The following MYO18B variants were observed in gnomAD, a reference collection of about 807,000 sequenced individuals.
MYO18B encodes the protein unconventional myosin-XVIIIb.
A neutral mutation model predicts 273.0 loss-of-function variants in MYO18B; 204 were observed. That is an observed-to-expected ratio of 0.75 (90% CI 0.67 to 0.84). The LOEUF is 0.84. MYO18B is among the 40% of genes least tolerant of loss of function. The pLI is 0.00. For missense variants in MYO18B, 3,212 were observed against 3,287.6 expected (o/e 0.98, Z 0.56); for synonymous variants, 1,330 against 1,305.7 (o/e 1.02, Z -0.40).
intron 11 of MYO18B, among the ~76,000 whole-genome samples, chr22:25,795,154 T>A (rs1202185796): frequency 6.6e-6 from 1 of 152,218 alleles, no homozygotes; most frequent in Non-Finnish European, 1.5e-5. Flanking sequence ...TCTTTGTGGC[T>A]CCATTCTCCT....
At chr22:25,770,459 G>A (rs1229282579) in intron 5 of MYO18B, among the ~76,000 whole-genome samples, 4 of 152,164 alleles carry the variant, frequency 2.6e-5, no homozygotes, top group South Asian at 2.1e-4. Flanking sequence ...TACTTTTGTC[G>A]ATTGGTTGTG....
chr22:26,010,344 C>A (rs561508989), intron 42 of MYO18B, among the ~76,000 whole-genome samples: 3 of 152,118 alleles, frequency 2.0e-5, no homozygotes, highest in Non-Finnish European at 4.4e-5. Flanking sequence ...TTGCCTACAG[C>A]AGGGGTCCCA....
downstream of MYO18B, among the ~76,000 whole-genome samples, chr22:26,031,618 G>T (rs917477097): frequency 6.6e-6 from 1 of 152,104 alleles, no homozygotes; most frequent in Non-Finnish European, 1.5e-5. Flanking sequence ...AACATTTTTT[G>T]AGTGGGGCTG....
At chr22:25,760,269 G>A (rs1418402286) in intron 1 of MYO18B, among the ~76,000 whole-genome samples, 1 of 151,946 alleles carries the variant, frequency 6.6e-6, no homozygotes, top group Admixed American at 6.6e-5. Flanking sequence ...TAAAAAATTA[G>A]CCGGGTGTGG....
chr22:25,977,630 A>G (rs1275243559), intron 39 of MYO18B, among the ~76,000 whole-genome samples: 2 of 152,122 alleles, frequency 1.3e-5, no homozygotes, highest in Non-Finnish European at 2.9e-5. Flanking sequence ...CTGAGTGGAG[A>G]GAATGAGGGG....
chr22:26,008,752 G>C (rs1430961745), intron 42 of MYO18B, among the ~76,000 whole-genome samples: 2 of 152,158 alleles, frequency 1.3e-5, no homozygotes. Context: ...TGGTGCCTGG[G>C]CTGTCCAGGG....
the MYO18B span, among the ~76,000 whole-genome samples, chr22:26,055,540 TC>T: frequency 6.6e-6 from 1 of 152,196 alleles, no homozygotes; most frequent in Non-Finnish European, 1.5e-5. Flanking sequence ...GGAAAACAAC[TC>T]CCTTTGGACT....
At chr22:25,888,091 C>T (rs1214284189) in intron 25 of MYO18B, among the ~76,000 whole-genome samples, 1 of 152,148 alleles carries the variant, frequency 6.6e-6, no homozygotes, top group Admixed American at 6.5e-5. Context: ...AATCTAACCC[C>T]TTCAAATCCA....
At position 25,826,401 on chromosome 22, in the gene MYO18B, T is replaced by C. The variant is rs997723997; in HGVS notation, c.2696-8T>C. 3 of 1,608,822 alleles carry C rather than the reference T, an allele frequency of 1.9e-6. No homozygotes were observed. The East Asian group carries it at 6.7e-5, about 36-fold the overall frequency. On this transcript the variant is annotated splice_region_variant and splice_polypyrimidine_tract_variant and intron_variant, in intron 13 of 43. Coordinates refer to ENST00000335473, the MANE Select transcript of MYO18B (RefSeq NM_032608.7). ...AACCAAGAATGCTGATTCTGTCCTC[T>C]TTCCCAGGGCTCAAGATGACAGGAG...
At chr22:25,866,784 CAAAAAAAAAAAAA>C (rs56260207) in intron 21 of MYO18B, among the ~76,000 whole-genome samples, 27 of 40,190 alleles carry the variant, frequency 6.7e-4, no homozygotes, top group East Asian at 1.9e-3. Flanking sequence ...GACTCCGTCT[CAAAAAAAAAAAAA>C]AAAAAAAAAA....
At chr22:26,000,957 C>T (rs994511680) in intron 40 of MYO18B, among the ~76,000 whole-genome samples, 4 of 149,760 alleles carry the variant, frequency 2.7e-5, no homozygotes, top group Non-Finnish European at 6.0e-5. Context: ...AGCAGCTATA[C>T]TTCCATCTTT....
chr22:25,834,714 G>A (rs951502316), intron 16 of MYO18B, among the ~76,000 whole-genome samples: 1 of 152,112 alleles, frequency 6.6e-6, no homozygotes, highest in Non-Finnish European at 1.5e-5. Context: ...AAAATTACAG[G>A]GTTGAGTAGA....
intron 36 of MYO18B, among the ~76,000 whole-genome samples, chr22:25,948,527 T>TCTTCCTTCCTTCCTTCCTTC (rs562796748): frequency 0.089 from 9,858 of 110,362 alleles, 756 homozygotes; most frequent in Middle Eastern, 0.19. Context: ...CTTCTTTCTT[T>TCTTCCTTCCTTCCTTCCTTC]CTTCCTTCCT....
At chr22:25,793,507 A>C (rs2036586481) in intron 11 of MYO18B, among the ~76,000 whole-genome samples, 1 of 152,078 alleles carries the variant, frequency 6.6e-6, no homozygotes, top group African/African-American at 2.4e-5. Context: ...TCAAAGCACT[A>C]GGATGACAGG....
chr22:25,840,429 C>T (rs555372482), intron 17 of MYO18B, among the ~76,000 whole-genome samples: 18 of 152,342 alleles, frequency 1.2e-4, no homozygotes, highest in Admixed American at 8.5e-4. Flanking sequence ...TCCCTGCCTG[C>T]GATCCTGGCT....
At chr22:25,770,372 A>T (rs1350302396) in intron 5 of MYO18B, among the ~76,000 whole-genome samples, 196 bp downstream of exon 5, 1 of 152,232 alleles carries the variant, frequency 6.6e-6, no homozygotes, top group Admixed American at 6.5e-5. Context: ...TGCAACAAGC[A>T]TGCTTTCTTC....
intron 9 of MYO18B, 107 bp from the exon 10 acceptor site, chr22:25,781,627 A>AAAAC: frequency 2.0e-6 from 1 of 508,598 alleles, no homozygotes; most frequent in Non-Finnish European, 3.2e-6. Flanking sequence ...AAAAAAAAAG[A>AAAAC]GTGGATCAGA....
At chr22:25,948,078 C>T (rs1266831722) in intron 36 of MYO18B, among the ~76,000 whole-genome samples, 1 of 152,122 alleles carries the variant, frequency 6.6e-6, no homozygotes, top group Admixed American at 6.5e-5. Context: ...CATCTGTCTG[C>T]CCATCCACCC....
chr22:26,033,427 G>T (rs1046043662), downstream of MYO18B, among the ~76,000 whole-genome samples: 1 of 152,128 alleles, frequency 6.6e-6, no homozygotes, highest in African/African-American at 2.4e-5. Context: ...TGTGAGTTCC[G>T]TGTTAAAAAT....
Sources: allele counts gnomAD v4.1 joint callset (sites outside exome capture counted in the v4.1 genomes callset), GRCh38; gene constraint gnomAD v4.1.1; transcripts MANE v1.5; gene names NCBI Gene and HGNC (gene_info 2026-07-23, HGNC 2026-07-21).